Variants in AP2M1 observed in about 807,000 individuals in gnomAD.
AP2M1 encodes AP-2 complex subunit mu.
In AP2M1, 5 loss-of-function variants were observed where a neutral mutation model predicts 54.5. The observed-to-expected ratio is 0.09, with a 90% CI of 0.05 to 0.19. The LOEUF is 0.19. AP2M1 is among the 10% of genes least tolerant of loss of function. The pLI is 1.00. For missense variants in AP2M1, 178 were observed against 580.2 expected, an observed-to-expected ratio of 0.31 and a Z score of 7.12; for synonymous variants, 186 against 208.2, an observed-to-expected ratio of 0.89 and a Z score of 0.92.
At position 184,182,027 on chromosome 3, in the gene AP2M1, C is replaced by G; in HGVS notation, c.943C>G (p.Leu315Val). 6.2e-7 allele frequency: 1 copy of G among 1,613,976 alleles called. No homozygotes were observed. Among genetic ancestry groups the G allele is most frequent in the Non-Finnish European group, 8.5e-7 (1 of 1,179,924 alleles). Residue 315 changes from leucine to valine, a missense_variant, in exon 9 of 12, where the codon CTG becomes GTG. Around this residue, in one of 5 missense-constraint regions of AP2M1, gnomAD observed 59 missense variants for 176.8 expected, o/e 0.33. Coordinates refer to ENST00000292807, the MANE Select transcript of AP2M1 (RefSeq NM_004068.4). The surrounding 1 kb of genome is among the most constrained non-coding windows in gnomAD (Gnocchi z 5.5). ...CATCAAGTCCAACTTTAAACCCTCA[C>G]TGCTGGCTCAGAAGATCGAGGTGAG... ...VVIKSNFKPS[L>V]LAQKIEVRIP...
rs932142551 is a variant in AP2M1, at chr3:184,181,854, C to T, written c.827+39C>T. 3 of 1,613,954 alleles carry T rather than the reference C, an allele frequency of 1.9e-6. No individual in the cohort carries two copies. The highest frequency in any genetic ancestry group is 1.7e-6 in the Non-Finnish European group (2 of 1,179,964). On this transcript the variant is annotated intron_variant, in intron 8 of 11. Transcript: ENST00000292807. This position sits in a 1 kb window ranked among gnomAD's most constrained non-coding sequence, Gnocchi z 5.7. ...GTGAGGAGGCAGCTAGTGCTGCTGG[C>T]AGACTGGGGAGAGGAAGTGGGTCAG...
rs755273651 is a variant in AP2M1 at position 184,180,990 on chromosome 3, G to A, written c.565+6G>A. 4 of 1,613,992 alleles carry A rather than the reference G, an allele frequency of 2.5e-6. No homozygotes were observed. The Admixed American group carries it at 6.7e-5, about 27-fold the overall frequency. On this transcript the variant is annotated splice_donor_region_variant and intron_variant, in intron 6 of 11. Coordinates refer to ENST00000292807, the MANE Select transcript of AP2M1 (RefSeq NM_004068.4). This position sits in a 1 kb window ranked among gnomAD's most constrained non-coding sequence, Gnocchi z 4.9. ...CCTGCTCATGTCCCCACAAGGTGAG[G>A]TCCCTCTCACGACAAAGTTGGAGGG... is the stretch of plus-strand genomic sequence containing the variant.
intron 1 of AP2M1, among the ~76,000 whole-genome samples, chr3:184,176,066 A>G (rs1433039646): frequency 6.6e-6 from 1 of 152,242 alleles, no homozygotes; most frequent in Non-Finnish European, 1.5e-5. Context: ...TAATTCAGGC[A>G]TCCTGACATC....
In AP2M1 at chr3:184,177,067, G is replaced by C. The variant is rs1474004926; in HGVS notation, c.74G>C (p.Gly25Ala). The change falls in exon 2 of 12, where the codon GGG (glycine) becomes GCG (alanine). Residue 25 changes from glycine (G) to alanine (A), a missense_variant and splice_region_variant. Around this residue, in one of 5 missense-constraint regions of AP2M1, gnomAD observed 115 missense variants for 331.2 expected, o/e 0.35. Coordinates refer to ENST00000292807, the MANE Select transcript of AP2M1 (RefSeq NM_004068.4). ...LISRVYRDDI[G>A]RNAVDAFRVN... The stretch of plus-strand genomic sequence containing the variant: ...TCCCGAGTCTACCGAGATGACATCG[G>C]GTGAGTCCCCTGGCGGAGCCAGCTG... 1.2e-6 allele frequency: 2 copies of C among 1,613,262 alleles called. No individual in the cohort carries two copies. Among genetic ancestry groups the C allele is most frequent in the Non-Finnish European group, 1.7e-6 (2 of 1,179,752 alleles).
rs1363532872 is a variant in AP2M1 at position 184,178,930 on chromosome 3, A to T, written c.148A>T (p.Ile50Phe). Residue 50 changes from isoleucine to phenylalanine, a missense_variant, in exon 3 of 12, where the codon ATT (isoleucine) becomes TTT (phenylalanine). This residue lies in a region of AP2M1 where 115 missense variants were observed against 331.2 expected (regional missense o/e 0.35). Coordinates refer to ENST00000292807, the MANE Select transcript of AP2M1 (RefSeq NM_004068.4). This position sits in a 1 kb window ranked among gnomAD's most constrained non-coding sequence, Gnocchi z 4.9. The part of the protein sequence containing the change: ...RQQVRSPVTN[I>F]ARTSFFHVKR... ...GCAGGTGCGCAGCCCCGTCACCAACATTGCTCGCACCAGCTTCTTCCACGT... is the reference window on the plus strand; with the variant it reads ...GCAGGTGCGCAGCCCCGTCACCAACTTTGCTCGCACCAGCTTCTTCCACGT... The T allele has an allele frequency of 6.2e-7, 1 of 1,614,090 alleles. No individual in the cohort carries two copies. The highest frequency in any genetic ancestry group is 1.7e-4 in the Middle Eastern group (1 of 6,058).
chr3:184,175,244 C>A, intron 1 of AP2M1: 1 of 361,792 alleles, frequency 2.8e-6, no homozygotes. Context: ...CGCAGCGCCC[C>A]CTCCCTAGGA....
Position 184,183,292 on chromosome 3 carries a change from CA to C in AP2M1, c.1174-188del. ...CTCCTGCTGATTAAAGGAACTGATT[CA>C]AGGTGTCACAGGTAGGGCTTTCTTC... On this transcript the variant is annotated intron_variant, in intron 11 of 11. Transcript: ENST00000292807. The surrounding 1 kb of genome is among the most constrained non-coding windows in gnomAD (Gnocchi z 5.7). The C allele has an allele frequency of 1.4e-6, 1 of 715,656 alleles. No individual in the cohort carries two copies. The allele number at this position is 715,656 out of a possible 1,614,324, so 44.3% of individuals were successfully genotyped here.
chr3:184,180,048 A>G lies in AP2M1; in HGVS notation c.341-121A>G. 1.3e-6 allele frequency: 1 copy of G among 796,660 alleles called. No homozygotes were observed. The highest frequency in any genetic ancestry group is 2.1e-6 in the Non-Finnish European group (1 of 481,474). 49.3% of individuals were successfully genotyped at this position (796,660 alleles called of 1,614,324 possible). On this transcript the variant is annotated intron_variant, in intron 3 of 11. Transcript: ENST00000292807. This position sits in a 1 kb window ranked among gnomAD's most constrained non-coding sequence, Gnocchi z 4.9. ...AGAATAAATGCTACAAAGCTAGAAG[A>G]CTTTCTTGCGGATGATCCCACATGG...
chr3:184,178,961 G>A lies in AP2M1; in HGVS notation c.179G>A (p.Arg60Gln), dbSNP rs1715177946. 4.3e-6 allele frequency: 7 copies of A among 1,614,038 alleles called. No individual in the cohort carries two copies. Among genetic ancestry groups the A allele is most frequent in the African/African-American group, 2.7e-5 (2 of 74,922 alleles). The change falls in exon 3 of 12, where the codon CGG becomes CAG. Residue 60 changes from arginine to glutamine, a missense_variant. Transcript: ENST00000292807. This position sits in a 1 kb window ranked among gnomAD's most constrained non-coding sequence, Gnocchi z 4.9. The part of the protein sequence containing the change: ...IARTSFFHVK[R>Q]SNIWLAAVTK... ...CGCACCAGCTTCTTCCACGTTAAGC[G>A]GTCCAACATTTGGCTGGCAGCAGTC...
Position 184,178,148 on chromosome 3 carries a change from C to G in AP2M1, c.75-709C>G. 1 of 1,493,270 alleles carries G rather than the reference C, an allele frequency of 6.7e-7. No individual in the cohort carries two copies. Among genetic ancestry groups the G allele is most frequent in the Non-Finnish European group, 9.0e-7 (1 of 1,107,868 alleles). The allele number at this position is 1,493,270 out of a possible 1,614,324, so 92.5% of individuals were successfully genotyped here. A position where few individuals can be genotyped will look rare whatever the true frequency, so the allele number is the denominator to read the frequency against. On this transcript the variant is annotated intron_variant, in intron 2 of 11. Coordinates refer to ENST00000292807, the MANE Select transcript of AP2M1 (RefSeq NM_004068.4). This position sits in a 1 kb window ranked among gnomAD's most constrained non-coding sequence, Gnocchi z 4.9. ...CGGTGTGTTGTGTGTCTAACCCTCTCTCTCGTTGCTATCACTCTCCTCTTC... is the reference window on the plus strand; with the variant it reads ...CGGTGTGTTGTGTGTCTAACCCTCTGTCTCGTTGCTATCACTCTCCTCTTC...
intron 1 of AP2M1, chr3:184,176,677 G>A: frequency 2.3e-6 from 1 of 441,782 alleles, no homozygotes; most frequent in East Asian, 3.6e-5. Flanking sequence ...CTGGGGAGAG[G>A]GGGCGGGGGT....
At position 184,178,807 on chromosome 3, in the gene AP2M1, G is replaced by A. The variant is rs749062778; in HGVS notation, c.75-50G>A. 9 of 1,595,062 alleles carry A rather than the reference G, an allele frequency of 5.6e-6. No individual in the cohort carries two copies. Among genetic ancestry groups the A allele is most frequent in the Non-Finnish European group, 7.7e-6 (9 of 1,168,198 alleles). On this transcript the variant is annotated intron_variant, in intron 2 of 11. Transcript: ENST00000292807. The surrounding 1 kb of genome is among the most constrained non-coding windows in gnomAD (Gnocchi z 4.9). ...AGCAGCTGTGGTTGATCCTTATGGGGTAAGGTTCACCTGGGTGCTGAGCAG... is the reference window on the plus strand; with the variant it reads ...AGCAGCTGTGGTTGATCCTTATGGGATAAGGTTCACCTGGGTGCTGAGCAG...
Position 184,174,915 on chromosome 3 carries a change from C to T in AP2M1, c.-88C>T, listed in dbSNP as rs1183976151. The T allele has an allele frequency of 5.0e-6, 2 of 398,448 alleles. No individual in the cohort carries two copies. The highest frequency in any genetic ancestry group is 2.1e-5 in the African/African-American group (1 of 48,618). 24.7% of individuals were successfully genotyped at this position (398,448 alleles called of 1,614,324 possible). On this transcript the variant is annotated 5_prime_UTR_variant, in exon 1 of 12. Transcript: ENST00000292807. ...AGGGGGCGGGCGGACATCTTGGGAT[C>T]CGGAGAGTGGCCGGGCCGGCAGAGC...
intron 1 of AP2M1, among the ~76,000 whole-genome samples, chr3:184,175,263 A>G (rs1715028385): frequency 1.3e-5 from 2 of 151,860 alleles, no homozygotes; most frequent in East Asian, 3.9e-4. Flanking sequence ...GATCGTGCCA[A>G]CCCCCTACCC....
chr3:184,181,696 C>T lies in AP2M1; in HGVS notation c.708C>T (p.Ser236=), dbSNP rs767715842. The change falls in exon 8 of 12, where the codon AGC becomes AGT. Residue 236 remains serine, a splice_region_variant and synonymous_variant. Transcript: ENST00000292807. This position sits in a 1 kb window ranked among gnomAD's most constrained non-coding sequence, Gnocchi z 5.7. Reference sequence around the variant, plus strand: ...AGACCTCTTCTGCCCCTGCTTGCAGCGGGAAGCAATCAATTGCCATTGATG... The same window carrying T: ...AGACCTCTTCTGCCCCTGCTTGCAGTGGGAAGCAATCAATTGCCATTGATG... ...GKGTADETSK[S]GKQSIAIDDC... is the part of the protein sequence containing the mutation. The T allele has an allele frequency of 2.0e-5, 32 of 1,613,666 alleles. No homozygotes were observed. The highest frequency in any genetic ancestry group is 4.0e-5 in the African/African-American group (3 of 74,928).
At chr3:184,175,632 C>A (rs1227012290) in intron 1 of AP2M1, among the ~76,000 whole-genome samples, 1 of 152,088 alleles carries the variant, frequency 6.6e-6, no homozygotes, top group East Asian at 1.9e-4. Context: ...TACGTTCACT[C>A]CACCAGCCCA....
chr3:184,183,492 C>T lies in AP2M1; in HGVS notation c.1184C>T (p.Ala395Val). The change falls in exon 12 of 12, where the codon GCG becomes GTG. Residue 395 changes from alanine (A) to valine (V), a missense_variant. Physicochemically the swap from Ala to Val is moderately conservative, Grantham distance 64. Around this residue, in one of 5 missense-constraint regions of AP2M1, gnomAD observed 59 missense variants for 176.8 expected, o/e 0.33. Coordinates refer to ENST00000292807, the MANE Select transcript of AP2M1 (RefSeq NM_004068.4). The surrounding 1 kb of genome is among the most constrained non-coding windows in gnomAD (Gnocchi z 5.7). The stretch of plus-strand genomic sequence containing the variant: ...GCTCTCCTTGCCCAGGTGCCATTCG[C>T]GCCCTCTGGCCTCAAGGTGCGCTAC... The part of the protein sequence containing the change: ...PISMNFEVPF[A>V]PSGLKVRYLK... 1.2e-6 allele frequency: 2 copies of T among 1,614,174 alleles called. No homozygotes were observed. Among genetic ancestry groups the T allele is most frequent in the Non-Finnish European group, 1.7e-6 (2 of 1,180,034 alleles).
In AP2M1 at chr3:184,174,930, G is replaced by T. The variant is rs1357209515; in HGVS notation, c.-73G>T. The T allele has an allele frequency of 1.8e-5, 7 of 398,510 alleles. No individual in the cohort carries two copies. In the Admixed American group the frequency reaches 1.8e-4, roughly 10 times the overall value. 24.7% of individuals were successfully genotyped at this position (398,510 alleles called of 1,614,324 possible). A position where few individuals can be genotyped will look rare whatever the true frequency, so the allele number is the denominator to read the frequency against. On this transcript the variant is annotated 5_prime_UTR_variant, in exon 1 of 12. Coordinates refer to ENST00000292807, the MANE Select transcript of AP2M1 (RefSeq NM_004068.4). The stretch of plus-strand genomic sequence containing the variant: ...ATCTTGGGATCCGGAGAGTGGCCGG[G>T]CCGGCAGAGCAGGGGGCCGAGGACA...
At chr3:184,179,649 A>G (rs1715203393) in intron 3 of AP2M1, among the ~76,000 whole-genome samples, 1 of 144,684 alleles carries the variant, frequency 6.9e-6, no homozygotes, top group South Asian at 2.2e-4. Flanking sequence ...TGACTCTTCT[A>G]TTGATTTCTT....
Sources: allele counts gnomAD v4.1 joint callset (sites outside exome capture counted in the v4.1 genomes callset), GRCh38; gene constraint gnomAD v4.1.1; regional missense constraint gnomAD v4.1.1; non-coding constraint Gnocchi (gnomAD v3.1); transcripts MANE v1.5; gene names NCBI Gene and HGNC (gene_info 2026-07-23, HGNC 2026-07-21).